The following CPQ variants were observed in gnomAD, a reference collection of about 807,000 sequenced individuals.
The protein encoded by CPQ is Ser-Met dipeptidase.
Under a neutral mutation model 45.7 loss-of-function variants are expected in CPQ, and 37 were observed. That is an observed-to-expected ratio of 0.81 (90% CI 0.62 to 1.07). The LOEUF (loss-of-function observed/expected upper bound fraction) is 1.07. Ranked by LOEUF, CPQ falls within the 50% of genes least tolerant of loss-of-function variation. The pLI is 0.00. For missense variants in CPQ, 537 were observed against 572.9 expected, an observed-to-expected ratio of 0.94 and a Z score of 0.64; for synonymous variants, 186 against 205.8, an observed-to-expected ratio of 0.90 and a Z score of 0.82.
chr8:97,128,279 G>A (rs1431069992), intron 7 of CPQ, among the ~76,000 whole-genome samples: 2 of 152,172 alleles, frequency 1.3e-5, no homozygotes, highest in Non-Finnish European at 2.9e-5. Context: ...TCTGTCTTCT[G>A]AGCTCTAACT....
intron 4 of CPQ, among the ~76,000 whole-genome samples, chr8:96,935,454 C>T (rs775124610): frequency 6.6e-6 from 1 of 152,168 alleles, no homozygotes; most frequent in Admixed American, 6.5e-5. Flanking sequence ...CAGTCTCACC[C>T]AAACCATGGA....
chr8:96,941,638 G>C (rs1813124288), intron 4 of CPQ, among the ~76,000 whole-genome samples: 1 of 152,124 alleles, frequency 6.6e-6, no homozygotes, highest in Non-Finnish European at 1.5e-5. Context: ...GGGTTTCCCA[G>C]CTAACATGCT....
chr8:96,879,321 T>A lies in CPQ; in HGVS notation c.642-477T>A, dbSNP rs958921820. Among the ~76,000 whole-genome samples, 7 of 152,144 alleles carry A rather than the reference T, an allele frequency of 4.6e-5. No individual in the cohort carries two copies. The East Asian group carries it at 7.7e-4, about 17-fold the overall frequency. On this transcript the variant is annotated intron_variant, in intron 3 of 7. Coordinates refer to ENST00000220763, the MANE Select transcript of CPQ (RefSeq NM_016134.4). ...GTGGTGTTCTACCACCAATGTGGAGTTATAGATTTAGACCTCTGTGTTTGG... is the reference window on the plus strand; with the variant it reads ...GTGGTGTTCTACCACCAATGTGGAGATATAGATTTAGACCTCTGTGTTTGG...
intron 1 of CPQ, among the ~76,000 whole-genome samples, chr8:96,712,900 A>C (rs949705677): frequency 1.7e-4 from 26 of 151,994 alleles, no homozygotes; most frequent in Non-Finnish European, 3.7e-4. Flanking sequence ...TTGCATCATT[A>C]GGCTGTAAAT....
intron 5 of CPQ, among the ~76,000 whole-genome samples, chr8:96,973,973 A>G (rs568386964): frequency 6.6e-6 from 1 of 152,314 alleles, no homozygotes; most frequent in African/African-American, 2.4e-5. Flanking sequence ...AAAAAAAGGT[A>G]ATCAGGCAAC....
At chr8:96,869,328 C>T (rs1018004786) in intron 3 of CPQ, among the ~76,000 whole-genome samples, 3 of 151,900 alleles carry the variant, frequency 2.0e-5, no homozygotes, top group African/African-American at 4.8e-5. Context: ...GCAATTGCTG[C>T]GATAACTGAG....
At chr8:96,753,483 G>A (rs886416900) in intron 1 of CPQ, among the ~76,000 whole-genome samples, 2 of 151,966 alleles carry the variant, frequency 1.3e-5, no homozygotes, top group Non-Finnish European at 2.9e-5. Flanking sequence ...CTCTCCGGGA[G>A]CATATTTTAT....
At chr8:96,981,439 G>A (rs1813894126) in intron 5 of CPQ, among the ~76,000 whole-genome samples, 2 of 152,078 alleles carry the variant, frequency 1.3e-5, no homozygotes, top group Admixed American at 6.6e-5. Flanking sequence ...GATCCATTTA[G>A]CCATCCCATA....
chr8:96,751,883 A>G (rs2130786052), intron 1 of CPQ, among the ~76,000 whole-genome samples: 1 of 152,292 alleles, frequency 6.6e-6, no homozygotes, highest in South Asian at 2.1e-4. Context: ...AGCACCATTT[A>G]TTATAAAGAG....
At chr8:97,041,353 G>A (rs954418369) in intron 6 of CPQ, among the ~76,000 whole-genome samples, 1 of 152,186 alleles carries the variant, frequency 6.6e-6, no homozygotes, top group African/African-American at 2.4e-5. Context: ...AGACTTTGCT[G>A]AAGTTGCTTA....
chr8:97,126,506 C>T (rs902821221), intron 7 of CPQ, among the ~76,000 whole-genome samples: 1 of 152,152 alleles, frequency 6.6e-6, no homozygotes, highest in Non-Finnish European at 1.5e-5. Flanking sequence ...ATAACTTTCA[C>T]AGTACATAGA....
chr8:96,957,838 C>CT (rs796118046), intron 4 of CPQ, among the ~76,000 whole-genome samples: 7,461 of 142,062 alleles, frequency 0.053, 587 homozygotes, highest in African/African-American at 0.18. Flanking sequence ...GTACCAAATG[C>CT]TTTTTTTTTT....
At chr8:96,670,756 T>G (rs1408596123) in intron 1 of CPQ, among the ~76,000 whole-genome samples, 1 of 151,662 alleles carries the variant, frequency 6.6e-6, no homozygotes, top group African/African-American at 2.4e-5. Flanking sequence ...GGAATTCTGC[T>G]GAGAAAAAAA....
At chr8:97,005,007 G>A (rs1356598652) in intron 5 of CPQ, among the ~76,000 whole-genome samples, 1 of 151,878 alleles carries the variant, frequency 6.6e-6, no homozygotes, top group East Asian at 1.9e-4. Flanking sequence ...AATTTTTATG[G>A]GGCTGAAGAA....
chr8:96,747,860 G>A (rs1158679176), intron 1 of CPQ, among the ~76,000 whole-genome samples: 3 of 152,160 alleles, frequency 2.0e-5, no homozygotes, highest in Non-Finnish European at 4.4e-5. Context: ...CTTTTGACAA[G>A]CTGACCAAAT....
chr8:96,690,781 A>G (rs942231478), intron 1 of CPQ, among the ~76,000 whole-genome samples: 1 of 152,172 alleles, frequency 6.6e-6, no homozygotes, highest in Admixed American at 6.5e-5. Flanking sequence ...TGATAATTGC[A>G]GGAATTAGAA....
chr8:96,814,533 G>GA, intron 2 of CPQ, among the ~76,000 whole-genome samples: 1 of 152,138 alleles, frequency 6.6e-6, no homozygotes, highest in Non-Finnish European at 1.5e-5. Context: ...GCTAATATAT[G>GA]AAATATACAA....
intron 4 of CPQ, among the ~76,000 whole-genome samples, chr8:96,892,690 T>C (rs1327612349): frequency 6.6e-6 from 1 of 152,222 alleles, no homozygotes; most frequent in Non-Finnish European, 1.5e-5. Context: ...TGAAATGTGC[T>C]CATAGCTGTG....
intron 4 of CPQ, among the ~76,000 whole-genome samples, chr8:96,880,573 A>ATG (rs1812210567): frequency 1.8e-5 from 2 of 108,968 alleles, no homozygotes; most frequent in African/African-American, 7.2e-5. Context: ...ATATATATAT[A>ATG]TATACCATGG....
Sources: allele counts gnomAD v4.1 joint callset (sites outside exome capture counted in the v4.1 genomes callset), GRCh38; gene constraint gnomAD v4.1.1; transcripts MANE v1.5; gene names NCBI Gene and HGNC (gene_info 2026-07-23, HGNC 2026-07-21).